The following WDPCP variants were observed in gnomAD, a reference collection of about 807,000 sequenced individuals.
WDPCP encodes WD repeat containing planar cell polarity effector.
In WDPCP, 71 loss-of-function variants were observed where a neutral mutation model predicts 93.1. That is an observed-to-expected ratio of 0.76 (90% confidence interval 0.63 to 0.93). WDPCP has a LOEUF of 0.93. Ranked by LOEUF, WDPCP falls within the 40% of genes least tolerant of loss-of-function variation. WDPCP has a pLI of 0.00. For missense variants in WDPCP, 844 were observed against 887.4 expected, an observed-to-expected ratio of 0.95 and a Z score of 0.62; for synonymous variants, 315 against 315.0, an observed-to-expected ratio of 1.00 and a Z score of 0.00.
chr2:63,449,398 C>G (rs1279607155), intron 6 of WDPCP, among the ~76,000 whole-genome samples: 1 of 152,070 alleles, frequency 6.6e-6, no homozygotes, highest in African/African-American at 2.4e-5. Flanking sequence ...AAAGAAGGAC[C>G]AAAATTATGA....
At chr2:63,791,307 G>A (rs1047701873) in intron 2 of WDPCP, among the ~76,000 whole-genome samples, 7 of 152,134 alleles carry the variant, frequency 4.6e-5, no homozygotes, top group Admixed American at 6.6e-5. Context: ...AGTCCCTAAC[G>A]CTGCCATGTT....
chr2:63,255,838 T>C (rs1316363767), intron 14 of WDPCP, among the ~76,000 whole-genome samples: 1 of 151,812 alleles, frequency 6.6e-6, no homozygotes, highest in Non-Finnish European at 1.5e-5. Context: ...TAAGCGAATT[T>C]ATCACTTATT....
chr2:63,826,610 T>C (rs867505205), intron 1 of WDPCP, among the ~76,000 whole-genome samples: 7 of 152,170 alleles, frequency 4.6e-5, no homozygotes, highest in South Asian at 2.1e-4. Flanking sequence ...AGAAGTATCC[T>C]GAAGTTATCA....
intron 6 of WDPCP, among the ~76,000 whole-genome samples, chr2:63,471,802 T>G (rs1699707756): frequency 6.6e-6 from 1 of 152,218 alleles, no homozygotes; most frequent in South Asian, 2.1e-4. Context: ...GTTTCTTGAT[T>G]CCTAAGAATC....
At chr2:63,657,209 T>TTTG (rs943961037) in intron 2 of WDPCP, among the ~76,000 whole-genome samples, 3 of 145,548 alleles carry the variant, frequency 2.1e-5, no homozygotes, top group South Asian at 2.3e-4. Context: ...GGTGATGTTT[T>TTTG]TTTTTTTTTT....
chr2:63,275,398 A>T (rs2951192), intron 13 of WDPCP, among the ~76,000 whole-genome samples: 123,110 of 152,084 alleles, frequency 0.81, 50,614 homozygotes, highest in East Asian at 0.96. Context: ...ATGCCCACTT[A>T]CACCACTCCT....
chr2:63,549,572 G>C (rs1487042325), intron 1 of WDPCP, among the ~76,000 whole-genome samples: 1 of 152,122 alleles, frequency 6.6e-6, no homozygotes, highest in Non-Finnish European at 1.5e-5. Flanking sequence ...TTCAAGACCA[G>C]CCTGGCCAAG....
chr2:63,485,998 C>T (rs1325306976), intron 4 of WDPCP, among the ~76,000 whole-genome samples: 1 of 151,514 alleles, frequency 6.6e-6, no homozygotes, highest in East Asian at 1.9e-4. Context: ...TCAGTTCAAC[C>T]ATTTAAAAAA....
chr2:63,560,204 CAA>C (rs370919702), intron 1 of WDPCP, among the ~76,000 whole-genome samples: 220 of 151,824 alleles, frequency 1.4e-3, no homozygotes, highest in African/African-American at 4.9e-3. Context: ...GCCTGGGTGA[CAA>C]GAGCAAAAAT....
chr2:63,629,114 C>G (rs1446656243), intron 3 of WDPCP, among the ~76,000 whole-genome samples: 1 of 152,104 alleles, frequency 6.6e-6, no homozygotes, highest in African/African-American at 2.4e-5. Flanking sequence ...ATCCCAGAAG[C>G]CAGCAAAGTG....
intron 2 of WDPCP, among the ~76,000 whole-genome samples, chr2:63,718,791 A>G (rs1261996329): frequency 1.3e-5 from 2 of 152,234 alleles, no homozygotes; most frequent in Non-Finnish European, 2.9e-5. Flanking sequence ...AAAAAAATAC[A>G]GAAAGGTTGA....
intron 6 of WDPCP, among the ~76,000 whole-genome samples, chr2:63,459,608 T>C (rs1355253457): frequency 1.3e-5 from 2 of 152,196 alleles, no homozygotes; most frequent in African/African-American, 4.8e-5. Context: ...GAAAATAGTA[T>C]GGAGATTTAT....
chr2:63,550,175 T>C (rs887327302), intron 1 of WDPCP, among the ~76,000 whole-genome samples: 2 of 147,606 alleles, frequency 1.4e-5, no homozygotes, highest in Non-Finnish European at 3.0e-5. Context: ...TAACTATATT[T>C]GTCTCCCATC....
intron 3 of WDPCP, among the ~76,000 whole-genome samples, chr2:63,638,251 T>C (rs1359237896): frequency 6.6e-6 from 1 of 152,136 alleles, no homozygotes; most frequent in African/African-American, 2.4e-5. Context: ...CTTAAAAATA[T>C]TGTTCTGTAT....
intron 13 of WDPCP, among the ~76,000 whole-genome samples, chr2:63,310,731 T>C (rs1686121665): frequency 6.6e-6 from 1 of 152,030 alleles, no homozygotes; most frequent in Admixed American, 6.6e-5. Flanking sequence ...TGGTGGCACA[T>C]GCCTGTAGTC....
chr2:63,470,243 C>G (rs1558677760), intron 6 of WDPCP, among the ~76,000 whole-genome samples: 1 of 152,208 alleles, frequency 6.6e-6, no homozygotes. Context: ...GTGTTGCTGC[C>G]ACTCAAATTT....
chr2:63,360,488 T>C (rs1411617432), intron 12 of WDPCP, among the ~76,000 whole-genome samples: 1 of 152,248 alleles, frequency 6.6e-6, no homozygotes. Flanking sequence ...CCATACCTTA[T>C]GCCAAACATA....
intron 1 of WDPCP, among the ~76,000 whole-genome samples, chr2:63,517,430 T>G (rs1008121132): frequency 2.0e-5 from 3 of 152,096 alleles, no homozygotes; most frequent in African/African-American, 7.2e-5. Context: ...AAAGACAAAT[T>G]GGGGTGAAAT....
At chr2:63,562,832 C>A (rs1175571187) in intron 1 of WDPCP, among the ~76,000 whole-genome samples, 1 of 152,178 alleles carries the variant, frequency 6.6e-6, no homozygotes, top group African/African-American at 2.4e-5. Flanking sequence ...CAAGCTTGCT[C>A]CTGTGTGCTT....
Sources: gnomAD v4.1 joint callset for allele counts (sites outside exome capture counted in the v4.1 genomes callset) on GRCh38, gnomAD v4.1.1 for gene constraint, MANE v1.5 for transcripts, NCBI Gene and HGNC (gene_info 2026-07-23, HGNC 2026-07-21) for gene names.